Variants in CENPE observed in about 807,000 individuals in gnomAD.
CENPE encodes the protein centromere-associated protein E.
CENPE carries 145 observed loss-of-function variants against 336.1 expected under a neutral mutation model. That is an observed-to-expected ratio of 0.43 (90% CI 0.38 to 0.50). The LOEUF (loss-of-function observed/expected upper bound fraction) is 0.50, where lower values mean the gene tolerates loss of function less well. CENPE is among the 20% of genes least tolerant of loss of function. The pLI is 0.00. For missense variants in CENPE, 2,719 were observed against 3,023.3 expected, an observed-to-expected ratio of 0.90 and a Z score of 2.36; for synonymous variants, 1,013 against 984.8, an observed-to-expected ratio of 1.03 and a Z score of -0.54.
intron 44 of CENPE, among the ~76,000 whole-genome samples, chr4:103,117,622 C>CTTTTT (rs771337112): frequency 1.7e-5 from 2 of 115,040 alleles, no homozygotes; most frequent in East Asian, 2.3e-4. Flanking sequence ...ATTTTCTTTC[C>CTTTTT]TTTTTTTTTT....
At chr4:103,140,630 A>G (rs1432785507) in intron 36 of CENPE, among the ~76,000 whole-genome samples, 184 bp downstream of exon 36, 1 of 152,112 alleles carries the variant, frequency 6.6e-6, no homozygotes, top group African/African-American at 2.4e-5. Context: ...TTTCTAAATC[A>G]ATATCACAAA....
Position 103,146,121 on chromosome 4 carries a change from T to C in CENPE, c.4135-14A>G, listed in dbSNP as rs1208993263. On this transcript the variant is annotated splice_polypyrimidine_tract_variant and intron_variant, in intron 29 of 48. Transcript: ENST00000265148. ...AGACTCCTGGATCTTAAGAGAATCA[T>C]AAAACAGTACAGTTGATATCCAGAG... 3 of 1,607,938 alleles carry C rather than the reference T, an allele frequency of 1.9e-6. No individual in the cohort carries two copies. Among genetic ancestry groups the C allele is most frequent in the South Asian group, 1.1e-5 (1 of 90,236 alleles).
Position 103,194,611 on chromosome 4 carries a change from T to G in CENPE, c.551A>C (p.Lys184Thr), listed in dbSNP as rs780209155. The change falls in exon 6 of 49, where the codon AAG (lysine) becomes ACG (threonine). Residue 184 changes from lysine to threonine, a missense_variant. Lys to Thr is a moderately conservative substitution (Grantham distance 78, BLOSUM62 -1). Coordinates refer to ENST00000265148, the MANE Select transcript of CENPE (RefSeq NM_001813.3). ...TSEMALKWIT[K>T]GEKSRHYGET... The stretch of plus-strand genomic sequence containing the variant: ...ACAGCATAAAGTCTTACTTTCTCCC[T>G]TTGTAATCCATTTCAAAGCCATTTC... The G allele has an allele frequency of 6.2e-7, 1 of 1,606,508 alleles. No homozygotes were observed. Among genetic ancestry groups the G allele is most frequent in the South Asian group, 1.1e-5 (1 of 89,384 alleles).
intron 43 of CENPE, 48 bp from the exon 44 acceptor site, chr4:103,120,381 C>A: frequency 6.9e-7 from 1 of 1,459,290 alleles, no homozygotes; most frequent in South Asian, 1.2e-5. Flanking sequence ...AAGACAGAAT[C>A]ACAGTATAGA....
At chr4:103,153,924 C>T (rs1229493942) in intron 24 of CENPE, among the ~76,000 whole-genome samples, 2 of 152,000 alleles carry the variant, frequency 1.3e-5, no homozygotes, top group African/African-American at 4.8e-5. Context: ...GGGTGAAATT[C>T]ATCTTTTCTT....
chr4:103,194,501 T>G, intron 6 of CENPE, 60 bp from the exon 7 acceptor site: 2 of 1,468,010 alleles, frequency 1.4e-6, no homozygotes, highest in South Asian at 2.5e-5. Flanking sequence ...AACACAATAA[T>G]TTTTATTTTA....
At position 103,185,822 on chromosome 4, in the gene CENPE, T is replaced by C; in HGVS notation, c.733A>G (p.Thr245Ala). 6.2e-7 allele frequency: 1 copy of C among 1,609,396 alleles called. No individual in the cohort carries two copies. Among genetic ancestry groups the C allele is most frequent in the Non-Finnish European group, 8.5e-7 (1 of 1,176,978 alleles). Residue 245 changes from threonine to alanine, a missense_variant, in exon 9 of 49, where the codon ACA (threonine) becomes GCA (alanine). Coordinates refer to ENST00000265148, the MANE Select transcript of CENPE (RefSeq NM_001813.3). ...GAGTTTTAATTACCTGCAGCGCCTG[T>C]TTGAGCAGCTCTTTCACTGCCTGCA... Reference protein sequence around the residue: ...DLAGSERAAQTGAAGVRLKEG... With the variant: ...DLAGSERAAQAGAAGVRLKEG...
intron 42 of CENPE, among the ~76,000 whole-genome samples, chr4:103,123,477 G>A (rs371977129): frequency 6.7e-4 from 102 of 152,164 alleles, no homozygotes; most frequent in African/African-American, 2.4e-3. Flanking sequence ...ATATGCCACC[G>A]TGAAGCTGTC....
At chr4:103,196,637 GA>G in intron 2 of CENPE, 121 bp downstream of exon 2, 1 of 617,480 alleles carries the variant, frequency 1.6e-6, no homozygotes, top group Admixed American at 3.2e-5. Context: ...TGTTTCCAGT[GA>G]AGCAGTTTAT....
At position 103,140,651 on chromosome 4, in the gene CENPE, C is replaced by T. The variant is rs557350959; in HGVS notation, c.5754+163G>A. Among the ~76,000 whole-genome samples, 9 of 151,668 alleles carry T rather than the reference C, an allele frequency of 5.9e-5. No homozygotes were observed. In the South Asian group the frequency reaches 1.5e-3, roughly 25 times the overall value. Reference sequence around the variant, plus strand: ...AATCAATATCACAAAAAGAATACCCCATTCTTATGCTTAGTTTTCCATTAT... The same window carrying T: ...AATCAATATCACAAAAAGAATACCCTATTCTTATGCTTAGTTTTCCATTAT... On this transcript the variant is annotated intron_variant, in intron 36 of 48. Coordinates refer to ENST00000265148, the MANE Select transcript of CENPE (RefSeq NM_001813.3).
intron 46 of CENPE, among the ~76,000 whole-genome samples, chr4:103,113,446 T>TTA (rs200182159): frequency 0.013 from 1,824 of 140,626 alleles, 35 homozygotes; most frequent in African/African-American, 0.043. Flanking sequence ...TATATATTAC[T>TTA]TACATATTAC....
intron 40 of CENPE, among the ~76,000 whole-genome samples, chr4:103,134,154 A>C (rs1751857934): frequency 6.6e-6 from 1 of 152,188 alleles, no homozygotes; most frequent in Non-Finnish European, 1.5e-5. Context: ...AGTACTTCAA[A>C]TTCAACATGT....
chr4:103,132,423 GAGA>G (rs1481648974), intron 42 of CENPE, among the ~76,000 whole-genome samples: 1 of 152,114 alleles, frequency 6.6e-6, no homozygotes, highest in Non-Finnish European at 1.5e-5. Flanking sequence ...CAGAAGCAGT[GAGA>G]AGGAGAAGAA....
intron 42 of CENPE, among the ~76,000 whole-genome samples, chr4:103,127,235 A>G (rs893142305): frequency 6.6e-6 from 1 of 152,104 alleles, no homozygotes; most frequent in Admixed American, 6.5e-5. Flanking sequence ...GGGAAAAAAC[A>G]CCATACCTAT....
Position 103,158,418 on chromosome 4 carries a change from G to C in CENPE, c.2915C>G (p.Ser972Cys), listed in dbSNP as rs181507974. The C allele has an allele frequency of 2.5e-6, 4 of 1,602,522 alleles. No individual in the cohort carries two copies. The African/African-American group carries it at 5.4e-5, about 21-fold the overall frequency. ...TQEQLRNALE[S>C]LKQHQETINT... Reference sequence around the variant, plus strand: ...AATTGTTTCTTGATGTTGTTTCAGAGACTCAAGAGCATTTCGTAATTGTTC... The same window carrying C: ...AATTGTTTCTTGATGTTGTTTCAGACACTCAAGAGCATTTCGTAATTGTTC... Residue 972 changes from serine (S) to cysteine (C), a missense_variant, in exon 24 of 49, where the codon TCT becomes TGT. Transcript: ENST00000265148.
chr4:103,110,900 C>A lies in CENPE; in HGVS notation c.7652G>T (p.Arg2551Met). 1 of 1,609,672 alleles carries A rather than the reference C, an allele frequency of 6.2e-7. No individual in the cohort carries two copies. The highest frequency in any genetic ancestry group is 1.1e-5 in the South Asian group (1 of 90,294). Residue 2551 changes from arginine to methionine, a missense_variant, in exon 47 of 49, where the codon AGG (arginine) becomes ATG (methionine). Physicochemically the swap from Arg to Met is moderately conservative, Grantham distance 91. Around this residue, in one of 5 missense-constraint regions of CENPE, gnomAD observed 2,437 missense variants for 2,513.3 expected, o/e 0.97. Transcript: ENST00000265148. ...KALILKSEHI[R>M]LEKEISKLKQ... ...TAACTTAGAAATTTCTTTTTCTAGC[C>A]TTATATGTTCACTTTTCAAAATAAG...
In CENPE at chr4:103,123,092, A is replaced by AT. The variant is rs1258004997; in HGVS notation, c.6925-4dup. The stretch of plus-strand genomic sequence containing the variant: ...TCTGTTGATTCATTCATTATGGCCT[A>AT]TTGAACAGTAAAATACCATTATAGC... On this transcript the variant is annotated splice_region_variant and splice_polypyrimidine_tract_variant and intron_variant, in intron 42 of 48. Coordinates refer to ENST00000265148, the MANE Select transcript of CENPE (RefSeq NM_001813.3). 1 of 1,606,416 alleles carries AT rather than the reference A, an allele frequency of 6.2e-7. No homozygotes were observed. Among genetic ancestry groups the AT allele is most frequent in the Non-Finnish European group, 8.5e-7 (1 of 1,173,296 alleles).
chr4:103,114,224 AAGCAG>A (rs1275659091), intron 46 of CENPE, among the ~76,000 whole-genome samples: 2 of 152,190 alleles, frequency 1.3e-5, no homozygotes, highest in African/African-American at 4.8e-5. Flanking sequence ...GACAATACAA[AAGCAG>A]AGTTCGTATT....
chr4:103,179,526 G>A (rs1756156466), intron 13 of CENPE, among the ~76,000 whole-genome samples: 1 of 152,138 alleles, frequency 6.6e-6, no homozygotes, highest in Non-Finnish European at 1.5e-5. Flanking sequence ...GTTCTTGATT[G>A]TCTTCTATAT....
Sources: gnomAD v4.1 joint callset for allele counts (sites outside exome capture counted in the v4.1 genomes callset) on GRCh38, gnomAD v4.1.1 for gene constraint, gnomAD v4.1.1 regional missense constraint, MANE v1.5 for transcripts, NCBI Gene and HGNC (gene_info 2026-07-23, HGNC 2026-07-21) for gene names.